Variants in ARMC2 observed in about 807,000 individuals in gnomAD.
The protein encoded by ARMC2 is armadillo repeat-containing protein 2.
A neutral mutation model predicts 90.3 loss-of-function variants in ARMC2; 67 were observed. The ratio of observed to expected loss-of-function variants is 0.74; its 90% CI spans 0.61 to 0.91. ARMC2 has a LOEUF of 0.91. ARMC2 is among the 40% of genes least tolerant of loss of function. The pLI is 0.00. For synonymous variants in ARMC2, 393 were observed against 393.0 expected, an observed-to-expected ratio of 1.00 and a Z score of 0.00; for missense variants, 920 against 1,030.9, an observed-to-expected ratio of 0.89 and a Z score of 1.47.
At chr6:108,952,911 C>A in intron 12 of ARMC2, 122 bp from the exon 13 acceptor site, 1 of 976,914 alleles carries the variant, frequency 1.0e-6, no homozygotes, top group Non-Finnish European at 1.5e-6. Context: ...ACAAGTGAGC[C>A]GAAGCCAGAC....
chr6:108,898,511 T>C (rs1771826270), intron 6 of ARMC2, among the ~76,000 whole-genome samples: 1 of 152,216 alleles, frequency 6.6e-6, no homozygotes, highest in Non-Finnish European at 1.5e-5. Flanking sequence ...CTCAGGACTA[T>C]TCAGTAATGC....
At chr6:108,974,967 C>T (rs1281877840), downstream of ARMC2, among the ~76,000 whole-genome samples, 2 of 150,968 alleles carry the variant, frequency 1.3e-5, no homozygotes, top group Non-Finnish European at 2.9e-5. Context: ...CTCAGCTACT[C>T]GCGAGGCTGA....
At chr6:109,044,876 A>T in the ARMC2 span, among the ~76,000 whole-genome samples, 40 of 152,276 alleles carry the variant, frequency 2.6e-4, no homozygotes, top group African/African-American at 7.2e-4. Flanking sequence ...ATACAAAATT[A>T]GCTGAGCGTG....
rs993949830 is a variant in ARMC2, at chr6:108,907,615, G to A, written c.1023+3210G>A. On this transcript the variant is annotated intron_variant, in intron 8 of 17. Transcript: ENST00000392644. ...GGTGCAGAGCGTGTCCTCTTCAGTG[G>A]TATTTGCGGAGCCACTCGTGCTTGA... 9 of 1,571,924 alleles carry A rather than the reference G, an allele frequency of 5.7e-6. No homozygotes were observed. In the Admixed American group the frequency reaches 1.5e-4, roughly 26 times the overall value.
chr6:109,052,407 C>T, the ARMC2 span, among the ~76,000 whole-genome samples: 1 of 151,962 alleles, frequency 6.6e-6, no homozygotes, highest in African/African-American at 2.4e-5. Context: ...TGATCATAAT[C>T]CTACCACTCA....
chr6:108,892,189 A>T (rs529946821), intron 5 of ARMC2, among the ~76,000 whole-genome samples: 1 of 152,082 alleles, frequency 6.6e-6, no homozygotes, highest in Non-Finnish European at 1.5e-5. Context: ...CCTTCTTGTT[A>T]TTTCTAGGAG....
At chr6:108,919,389 G>T (rs1774315276) in intron 10 of ARMC2, among the ~76,000 whole-genome samples, 1 of 152,166 alleles carries the variant, frequency 6.6e-6, no homozygotes, top group Non-Finnish European at 1.5e-5. Context: ...TTCAGACTGT[G>T]CAATCAGAAC....
the ARMC2 span, among the ~76,000 whole-genome samples, chr6:109,033,791 A>C: frequency 6.6e-6 from 1 of 152,220 alleles, no homozygotes; most frequent in African/African-American, 2.4e-5. Context: ...TGGACAGAAG[A>C]AATATTTATA....
At chr6:108,879,835 GT>G (rs987987545) in intron 5 of ARMC2, 2 of 445,340 alleles carry the variant, frequency 4.5e-6, no homozygotes, top group African/African-American at 4.1e-5. Flanking sequence ...TGATTTAGCT[GT>G]ATTTGGCAAG....
chr6:108,961,534 A>T (rs747574051), intron 13 of ARMC2, 38 bp from the exon 14 acceptor site: 34 of 1,555,428 alleles, frequency 2.2e-5, no homozygotes, highest in Non-Finnish European at 2.7e-5. Context: ...CTACTCCTGC[A>T]GTGGGTCTTT....
At chr6:108,924,343 C>T (rs2128483325) in intron 10 of ARMC2, among the ~76,000 whole-genome samples, 1 of 152,208 alleles carries the variant, frequency 6.6e-6, no homozygotes, top group Middle Eastern at 3.4e-3. Flanking sequence ...CATGGCAAAA[C>T]CCTGTCTCTA....
intron 13 of ARMC2, among the ~76,000 whole-genome samples, chr6:108,955,630 G>A (rs1250755462): frequency 6.6e-6 from 1 of 152,106 alleles, no homozygotes; most frequent in Non-Finnish European, 1.5e-5. Flanking sequence ...TCTGCACCAT[G>A]ACTTACCACT....
chr6:108,877,205 A>G (rs967797145), intron 5 of ARMC2, among the ~76,000 whole-genome samples: 2 of 152,260 alleles, frequency 1.3e-5, no homozygotes, highest in African/African-American at 4.8e-5. Flanking sequence ...TTTGCTTAAC[A>G]AGATTAAATT....
intron 10 of ARMC2, 31 bp downstream of exon 10, chr6:108,912,589 GT>G: frequency 6.4e-7 from 1 of 1,561,068 alleles, no homozygotes; most frequent in Non-Finnish European, 8.8e-7. Flanking sequence ...CGTTAGATGT[GT>G]AAAATTAGTT....
the ARMC2 span, among the ~76,000 whole-genome samples, chr6:109,021,901 A>T: frequency 2.6e-5 from 4 of 152,344 alleles, no homozygotes; most frequent in African/African-American, 9.6e-5. Context: ...GTATCCATCC[A>T]AATATTACTG....
chr6:108,912,517 T>C lies in ARMC2; in HGVS notation c.1309T>C (p.Cys437Arg). Residue 437 changes from cysteine (C) to arginine (R), a missense_variant, in exon 10 of 18, where the codon TGT (cysteine) becomes CGT (arginine). Cys to Arg is a radical substitution (Grantham distance 180). Transcript: ENST00000392644. ...ACAAATAAATGAGAACATCAAGAAA[T>C]GTGGTACATTTTTGCCTAATTCGGG... ...IKQINENIKK[C>R]GTFLPNSGHL... 6.2e-7 allele frequency: 1 copy of C among 1,613,992 alleles called. No homozygotes were observed.
chr6:109,044,938 G>A, the ARMC2 span, among the ~76,000 whole-genome samples: 2 of 151,906 alleles, frequency 1.3e-5, no homozygotes, highest in East Asian at 1.9e-4. Flanking sequence ...CAAGAGAATC[G>A]GTTGAACCCA....
chr6:108,851,209 G>C (rs1258788048), intron 1 of ARMC2, among the ~76,000 whole-genome samples: 2 of 152,072 alleles, frequency 1.3e-5, no homozygotes, highest in Non-Finnish European at 2.9e-5. Context: ...TGGCTCACTT[G>C]CCGACTTTGT....
At chr6:109,001,627 T>A in the ARMC2 span, 2 of 718,588 alleles carry the variant, frequency 2.8e-6, no homozygotes, top group East Asian at 5.4e-5. Context: ...AAATTTAAAC[T>A]CAACTGGTTG....
Sources: allele counts gnomAD v4.1 joint callset (sites outside exome capture counted in the v4.1 genomes callset), GRCh38; gene constraint gnomAD v4.1.1; transcripts MANE v1.5; gene names NCBI Gene and HGNC (gene_info 2026-07-23, HGNC 2026-07-21).